Variants in DGUOK observed in about 807,000 individuals in gnomAD.
DGUOK encodes the protein deoxyguanosine kinase, also known as deoxyguanosine kinase, mitochondrial.
Under a neutral mutation model 36.6 loss-of-function variants are expected in DGUOK, and 30 were observed. That is an observed-to-expected ratio of 0.82 (90% CI 0.61 to 1.11). The LOEUF (loss-of-function observed/expected upper bound fraction) is 1.11. Ranked by LOEUF, DGUOK falls within the 50% of genes most tolerant of loss-of-function variation. The probability of loss-of-function intolerance (pLI) is 0.00; values close to 1 mark genes in which losing one functional copy is unlikely to be tolerated. For missense variants in DGUOK, 361 were observed against 336.4 expected (o/e 1.07, Z -0.57); for synonymous variants, 145 against 126.3 (o/e 1.15, Z -0.99).
intron 3 of DGUOK, 50 bp downstream of exon 3, chr2:73,946,956 C>G (rs1361983276): frequency 6.6e-7 from 1 of 1,507,492 alleles, no homozygotes; most frequent in Admixed American, 1.8e-5. Flanking sequence ...TCAGTGCTGC[C>G]TGTTTGATCT....
chr2:73,951,403 A>G (rs1448503907), intron 4 of DGUOK, among the ~76,000 whole-genome samples: 2 of 151,762 alleles, frequency 1.3e-5, no homozygotes, highest in African/African-American at 4.8e-5. Context: ...CCACTGGTTC[A>G]ATCTAGACGA....
chr2:73,958,921 T>C lies in DGUOK; in HGVS notation c.*185T>C. 1.6e-6 allele frequency: 1 copy of C among 618,310 alleles called. No homozygotes were observed. The highest frequency in any genetic ancestry group is 2.9e-6 in the Non-Finnish European group (1 of 343,526). 38.3% of individuals were successfully genotyped at this position (618,310 alleles called of 1,614,324 possible). On this transcript the variant is annotated 3_prime_UTR_variant, in exon 7 of 7. Transcript: ENST00000264093. ...TTGTTTTCTTTTGTACCTGAAGCATTTTGAAAATAAAGTTTACTTAAGTTA... is the reference window on the plus strand; with the variant it reads ...TTGTTTTCTTTTGTACCTGAAGCATCTTGAAAATAAAGTTTACTTAAGTTA...
chr2:73,932,930 T>A (rs1042710860), intron 1 of DGUOK, among the ~76,000 whole-genome samples: 3 of 152,214 alleles, frequency 2.0e-5, no homozygotes, highest in Non-Finnish European at 4.4e-5. Flanking sequence ...CTACAGTGTA[T>A]TATCATCTTC....
intron 4 of DGUOK, 150 bp from the exon 5 acceptor site, chr2:73,956,975 G>GT: frequency 5.3e-6 from 3 of 568,322 alleles, no homozygotes; most frequent in South Asian, 2.2e-5. Context: ...TAGATCCTCT[G>GT]ATTGCATAAG....
Position 73,942,359 on chromosome 2 carries a change from T to C in DGUOK, c.255+3337T>C, listed in dbSNP as rs1347336391. On this transcript the variant is annotated intron_variant, in intron 2 of 6. Coordinates refer to ENST00000264093, the MANE Select transcript of DGUOK (RefSeq NM_080916.3). ...CCCAGGAGTATAAAAATAATCTATT[T>C]CTTTTTGTTGCTTTTATGGTTTTAT... is the stretch of plus-strand genomic sequence containing the variant. 2.0e-5 allele frequency among the ~76,000 whole-genome samples: 3 copies of C among 152,186 alleles called. No homozygotes were observed. In the East Asian group the frequency reaches 5.8e-4, roughly 29 times the overall value.
intron 1 of DGUOK, among the ~76,000 whole-genome samples, chr2:73,937,264 C>G (rs562127036): frequency 8.5e-5 from 13 of 152,240 alleles, no homozygotes; most frequent in Non-Finnish European, 1.3e-4. Context: ...CCTATGTGAT[C>G]TGGCCCCGGA....
At chr2:73,947,183 C>T (rs1177525396) in intron 3 of DGUOK, 4 of 450,348 alleles carry the variant, frequency 8.9e-6, no homozygotes, top group Non-Finnish European at 1.6e-5. Flanking sequence ...TGGCATGGAG[C>T]AAGCTGGTAG....
intron 4 of DGUOK, among the ~76,000 whole-genome samples, chr2:73,951,860 A>T (rs1682727193): frequency 6.6e-6 from 1 of 152,234 alleles, no homozygotes; most frequent in African/African-American, 2.4e-5. Context: ...ACAGAAATAA[A>T]TAAGGGTTAA....
At chr2:73,953,678 G>A (rs1314487757) in intron 4 of DGUOK, among the ~76,000 whole-genome samples, 1 of 149,310 alleles carries the variant, frequency 6.7e-6, no homozygotes, top group African/African-American at 2.5e-5. Context: ...GATGGACTTC[G>A]TAGGTCCTTC....
chr2:73,943,042 T>C (rs1367611529), intron 2 of DGUOK, among the ~76,000 whole-genome samples: 2 of 152,252 alleles, frequency 1.3e-5, no homozygotes. Flanking sequence ...TTGGTCATGA[T>C]GTACTATTCC....
Position 73,946,757 on chromosome 2 carries a change from GATGTA to G in DGUOK, c.295_299del (p.Met99ProfsTer28), listed in dbSNP as rs1446979370. ...AAAGTCTTGGAAACTTGCTGGATAT[GATGTA>G]CCGGGAGCCAGCACGATGGTCCTAC... is the stretch of plus-strand genomic sequence containing the variant. On this transcript the variant is annotated frameshift_variant, in exon 3 of 7. Coordinates refer to ENST00000264093, the MANE Select transcript of DGUOK (RefSeq NM_080916.3). LOFTEE classifies it high-confidence loss of function. The G allele has an allele frequency of 2.5e-6, 4 of 1,614,028 alleles. No individual in the cohort carries two copies. The African/African-American group carries it at 4.0e-5, about 16-fold the overall frequency.
At chr2:73,938,828 C>T (rs568383811) in intron 1 of DGUOK, 82 bp from the exon 2 acceptor site, 856 of 915,638 alleles carry the variant, frequency 9.3e-4, no homozygotes, top group Non-Finnish European at 1.4e-3. Flanking sequence ...TGAGTTTGGG[C>T]GTTTGTGGCA....
At chr2:73,939,055 G>A in intron 2 of DGUOK, 33 bp downstream of exon 2, 1 of 1,364,700 alleles carries the variant, frequency 7.3e-7, no homozygotes, top group Non-Finnish European at 1.1e-6. Flanking sequence ...TAGTTGGCAG[G>A]CATGGGTGAA....
intron 1 of DGUOK, among the ~76,000 whole-genome samples, chr2:73,934,183 T>G (rs2104882968): frequency 6.6e-6 from 1 of 152,330 alleles, no homozygotes; most frequent in Middle Eastern, 3.4e-3. Context: ...GTAGGCATTG[T>G]CAGTTTATAG....
At chr2:73,929,467 A>T (rs560447326) in intron 1 of DGUOK, among the ~76,000 whole-genome samples, 2 of 152,252 alleles carry the variant, frequency 1.3e-5, no homozygotes, top group African/African-American at 4.8e-5. Context: ...AGGTAATTGG[A>T]TATGTAAGTT....
intron 2 of DGUOK, among the ~76,000 whole-genome samples, chr2:73,946,114 A>G (rs956833087): frequency 6.6e-6 from 1 of 152,006 alleles, no homozygotes; most frequent in South Asian, 2.1e-4. Flanking sequence ...CCACTTGCAC[A>G]TGCCGAGTAA....
chr2:73,936,509 G>C (rs950073914), intron 1 of DGUOK, among the ~76,000 whole-genome samples: 1 of 152,134 alleles, frequency 6.6e-6, no homozygotes, highest in African/African-American at 2.4e-5. Context: ...TATTCAGAGA[G>C]GAGTTGGGGT....
chr2:73,951,396 C>T (rs1682693362), intron 4 of DGUOK, among the ~76,000 whole-genome samples: 1 of 151,948 alleles, frequency 6.6e-6, no homozygotes, highest in Non-Finnish European at 1.5e-5. Context: ...GTAAAATCCA[C>T]TGGTTCAATC....
At chr2:73,948,424 C>CTTCA (rs2104952384) in intron 3 of DGUOK, among the ~76,000 whole-genome samples, 1 of 152,338 alleles carries the variant, frequency 6.6e-6, no homozygotes, top group South Asian at 2.1e-4. Context: ...CAGGTGCTAT[C>CTTCA]TTCAGTGAGG....
Sources: allele counts gnomAD v4.1 joint callset (sites outside exome capture counted in the v4.1 genomes callset), GRCh38; gene constraint gnomAD v4.1.1; transcripts MANE v1.5; gene names NCBI Gene and HGNC (gene_info 2026-07-23, HGNC 2026-07-21).